The following NR2C2 variants were observed in gnomAD, a reference collection of about 807,000 sequenced individuals.
NR2C2 encodes the protein nuclear receptor subfamily 2 group C member 2, also known as Nuclear hormone receptor TR4.
In NR2C2, 6 loss-of-function variants were observed where a neutral mutation model predicts 62.9. The ratio of observed to expected loss-of-function variants is 0.10; its 90% CI spans 0.05 to 0.19. NR2C2 has a LOEUF of 0.19. NR2C2 is among the 10% of genes least tolerant of loss of function. NR2C2 has a pLI of 1.00. For missense variants in NR2C2, 479 were observed against 762.7 expected, an observed-to-expected ratio of 0.63 and a Z score of 4.38; for synonymous variants, 272 against 273.8, an observed-to-expected ratio of 0.99 and a Z score of 0.07.
chr3:15,036,831 C>T (rs1231353484), intron 11 of NR2C2, among the ~76,000 whole-genome samples: 1 of 151,870 alleles, frequency 6.6e-6, no homozygotes, highest in African/African-American at 2.4e-5. Flanking sequence ...TTTAAAAGAC[C>T]CTATAACAGG....
chr3:15,041,500 A>G (rs1011617161), intron 13 of NR2C2, among the ~76,000 whole-genome samples: 4 of 152,186 alleles, frequency 2.6e-5, no homozygotes, highest in African/African-American at 9.7e-5. Context: ...AGCAGTATTC[A>G]CTCTAGAAAA....
intron 7 of NR2C2, among the ~76,000 whole-genome samples, chr3:15,028,373 G>A (rs1255282939): frequency 1.3e-5 from 2 of 151,794 alleles, no homozygotes; most frequent in African/African-American, 4.8e-5. Context: ...TTTTTGTTCT[G>A]TCATTTTGTC....
At chr3:14,970,895 A>G (rs2040016132) in intron 1 of NR2C2, among the ~76,000 whole-genome samples, 1 of 152,240 alleles carries the variant, frequency 6.6e-6, no homozygotes. Context: ...GCAATGGTGC[A>G]AAAGCCATAT....
intron 1 of NR2C2, among the ~76,000 whole-genome samples, chr3:14,991,486 C>T (rs972954972): frequency 6.6e-6 from 1 of 152,182 alleles, no homozygotes; most frequent in Non-Finnish European, 1.5e-5. Flanking sequence ...TGTCCCCTGC[C>T]TAACACCCTT....
At chr3:15,005,865 G>A (rs982541370) in intron 2 of NR2C2, among the ~76,000 whole-genome samples, 1 of 152,142 alleles carries the variant, frequency 6.6e-6, no homozygotes, top group Admixed American at 6.5e-5. Flanking sequence ...ATTGGTGGAT[G>A]TGGATCAATT....
intron 13 of NR2C2, among the ~76,000 whole-genome samples, chr3:15,041,866 AAAAC>A (rs1335468911): frequency 1.3e-5 from 2 of 152,184 alleles, no homozygotes; most frequent in Non-Finnish European, 2.9e-5. Flanking sequence ...CAAAAAAACA[AAAAC>A]AAAAAAGCAC....
intron 1 of NR2C2, among the ~76,000 whole-genome samples, chr3:15,001,021 A>C (rs1166460561): frequency 6.6e-6 from 1 of 151,824 alleles, no homozygotes; most frequent in Non-Finnish European, 1.5e-5. Context: ...TCACTGTGTT[A>C]GCCAGGGTGG....
At chr3:14,986,232 AG>A (rs1264357632) in intron 1 of NR2C2, among the ~76,000 whole-genome samples, 1 of 152,200 alleles carries the variant, frequency 6.6e-6, no homozygotes, top group Admixed American at 6.5e-5. Context: ...GAGAAATAAA[AG>A]GAAAGCAGCC....
intron 1 of NR2C2, among the ~76,000 whole-genome samples, chr3:14,994,966 C>T (rs2040784433): frequency 6.9e-6 from 1 of 145,456 alleles, no homozygotes; most frequent in African/African-American, 2.6e-5. Flanking sequence ...ATTCATATAC[C>T]ATACAATTCA....
intron 11 of NR2C2, 127 bp from the exon 12 acceptor site, chr3:15,037,873 C>T (rs2042147553): frequency 1.9e-6 from 2 of 1,031,800 alleles, no homozygotes; most frequent in Non-Finnish European, 2.8e-6. Flanking sequence ...CTCTTGTTCA[C>T]CTTGAGATTA....
chr3:15,022,738 A>G (rs2041708765), intron 5 of NR2C2, among the ~76,000 whole-genome samples: 1 of 152,068 alleles, frequency 6.6e-6, no homozygotes, highest in African/African-American at 2.4e-5. Context: ...GCATGAAGTA[A>G]AAACCAGCTG....
intron 1 of NR2C2, among the ~76,000 whole-genome samples, chr3:14,989,268 C>A (rs2040597451): frequency 6.6e-6 from 1 of 152,118 alleles, no homozygotes; most frequent in African/African-American, 2.4e-5. Flanking sequence ...ATTCTGTGGA[C>A]CTATTACAGT....
intron 2 of NR2C2, among the ~76,000 whole-genome samples, chr3:15,010,624 A>C (rs1448161677): frequency 3.3e-5 from 5 of 151,108 alleles, no homozygotes; most frequent in African/African-American, 4.9e-5. Context: ...AGATGGGAGG[A>C]TTGCTTGAGC....
Position 15,044,163 on chromosome 3 carries a change from A to G in NR2C2, c.*1155A>G, listed in dbSNP as rs1224059987. 4.6e-5 allele frequency: 7 copies of G among 152,216 alleles called. No homozygotes were observed. The highest frequency in any genetic ancestry group is 4.6e-4 in the Admixed American group (7 of 15,266). The allele number at this position is 152,216 out of a possible 1,614,324, so 9.4% of individuals were successfully genotyped here. On this transcript the variant is annotated 3_prime_UTR_variant, in exon 14 of 14. Transcript: ENST00000425241. Reference sequence around the variant, plus strand: ...GGCAGGAGCCTGCTGCCGCCTGGCGAGAGTGGTTAGGGCCTGGTAAAGCTG... The same window carrying G: ...GGCAGGAGCCTGCTGCCGCCTGGCGGGAGTGGTTAGGGCCTGGTAAAGCTG...
intron 11 of NR2C2, among the ~76,000 whole-genome samples, chr3:15,035,575 G>A (rs1204536309): frequency 6.6e-6 from 1 of 152,234 alleles, no homozygotes; most frequent in African/African-American, 2.4e-5. Flanking sequence ...TCCCTGGCTT[G>A]CCCCAGATGA....
At chr3:15,034,394 G>A (rs887789275) in intron 10 of NR2C2, 9 of 324,420 alleles carry the variant, frequency 2.8e-5, no homozygotes, top group Non-Finnish European at 5.1e-5. Context: ...AAGGCTGTAG[G>A]TAATGATGGT....
chr3:14,956,569 G>A (rs2039530890), intron 1 of NR2C2, among the ~76,000 whole-genome samples: 1 of 152,110 alleles, frequency 6.6e-6, no homozygotes, highest in African/African-American at 2.4e-5. Context: ...TGAGACAAGA[G>A]TTTTACTTTT....
At chr3:15,029,888 GACAA>G (rs2041930783) in intron 8 of NR2C2, among the ~76,000 whole-genome samples, 1 of 150,302 alleles carries the variant, frequency 6.7e-6, no homozygotes, top group Admixed American at 6.7e-5. Flanking sequence ...AAGAGAAAGA[GACAA>G]AGAGAAAAGG....
chr3:15,029,517 T>C (rs2041910577), intron 8 of NR2C2, among the ~76,000 whole-genome samples: 1 of 152,130 alleles, frequency 6.6e-6, no homozygotes, highest in African/African-American at 2.4e-5. Context: ...CCGTGGAAAG[T>C]GGGTGGGATT....
Sources: allele counts gnomAD v4.1 joint callset (sites outside exome capture counted in the v4.1 genomes callset), GRCh38; gene constraint gnomAD v4.1.1; transcripts MANE v1.5; gene names NCBI Gene and HGNC (gene_info 2026-07-23, HGNC 2026-07-21).